The following MARCHF1 variants were observed in gnomAD, a reference collection of about 807,000 sequenced individuals.
MARCHF1 encodes the protein E3 ubiquitin-protein ligase MARCHF1.
MARCHF1 carries 40 observed loss-of-function variants against 54.2 expected under a neutral mutation model. That is an observed-to-expected ratio of 0.74 (90% CI 0.57 to 0.96). The LOEUF is 0.96. MARCHF1 is among the 40% of genes least tolerant of loss of function. The probability of loss-of-function intolerance (pLI) is 0.00; values close to 1 mark genes in which losing one functional copy is unlikely to be tolerated. For missense variants in MARCHF1, 586 were observed against 656.5 expected, an observed-to-expected ratio of 0.89 and a Z score of 1.17; for synonymous variants, 236 against 236.3, an observed-to-expected ratio of 1.00 and a Z score of 0.01.
intron 2 of MARCHF1, among the ~76,000 whole-genome samples, chr4:164,011,144 C>G (rs1753411443): frequency 6.6e-6 from 1 of 152,052 alleles, no homozygotes; most frequent in South Asian, 2.1e-4. Flanking sequence ...AAATCTAAAA[C>G]CTGAAACTAT....
chr4:164,276,196 C>A (rs1222407202), intron 1 of MARCHF1, among the ~76,000 whole-genome samples: 1 of 152,052 alleles, frequency 6.6e-6, no homozygotes, highest in Non-Finnish European at 1.5e-5. Context: ...AATTACTAAA[C>A]CCAAAATAAT....
At chr4:164,150,034 G>A (rs1176712040) in intron 1 of MARCHF1, among the ~76,000 whole-genome samples, 1 of 151,948 alleles carries the variant, frequency 6.6e-6, no homozygotes, top group Non-Finnish European at 1.5e-5. Context: ...CTATATTATT[G>A]TCTCATAAAA....
In MARCHF1 at chr4:163,907,113, C is replaced by T. The variant is rs568953979; in HGVS notation, c.-38-52944G>A. On this transcript the variant is annotated intron_variant, in intron 3 of 9. Transcript: ENST00000514618. ...TACAGAAGTCCTTTTTCCATACTTTCCTTGTATTCAGAAGCTCAGAAGTAA... is the reference window on the plus strand; with the variant it reads ...TACAGAAGTCCTTTTTCCATACTTTTCTTGTATTCAGAAGCTCAGAAGTAA... 5.9e-5 allele frequency among the ~76,000 whole-genome samples: 9 copies of T among 152,052 alleles called. No individual in the cohort carries two copies. The East Asian group carries it at 1.7e-3, about 29-fold the overall frequency.
intron 1 of MARCHF1, among the ~76,000 whole-genome samples, chr4:164,283,172 G>A (rs981866539): frequency 2.6e-5 from 4 of 151,082 alleles, no homozygotes; most frequent in Non-Finnish European, 5.9e-5. Context: ...ACAAGCTTCT[G>A]AAGTTAGAGA....
chr4:163,784,385 C>T (rs1238685343), intron 4 of MARCHF1, among the ~76,000 whole-genome samples: 1 of 152,086 alleles, frequency 6.6e-6, no homozygotes, highest in African/African-American at 2.4e-5. Flanking sequence ...GGAACACATT[C>T]CTATAAATGG....
At chr4:164,250,272 A>G (rs577284665) in intron 1 of MARCHF1, among the ~76,000 whole-genome samples, 5 of 152,218 alleles carry the variant, frequency 3.3e-5, no homozygotes, top group Non-Finnish European at 7.4e-5. Flanking sequence ...GGCAGGAGAG[A>G]TGGTCAAAGA....
chr4:163,704,066 C>A (rs578203679), intron 4 of MARCHF1, among the ~76,000 whole-genome samples: 4 of 150,552 alleles, frequency 2.7e-5, no homozygotes, highest in African/African-American at 9.8e-5. Context: ...TATACTATGT[C>A]ATTGACTGAG....
chr4:163,719,097 C>T (rs573227839), intron 4 of MARCHF1, among the ~76,000 whole-genome samples: 5 of 152,132 alleles, frequency 3.3e-5, no homozygotes, highest in East Asian at 3.9e-4. Flanking sequence ...TTGTTACATA[C>T]GTATACATGG....
intron 1 of MARCHF1, among the ~76,000 whole-genome samples, chr4:164,202,265 G>T (rs114213453): frequency 6.6e-6 from 1 of 152,182 alleles, no homozygotes; most frequent in Non-Finnish European, 1.5e-5. Context: ...TAAGGAGATG[G>T]TGGAGGGAGA....
intron 3 of MARCHF1, among the ~76,000 whole-genome samples, chr4:163,940,058 A>G (rs969634778): frequency 2.6e-5 from 4 of 152,136 alleles, no homozygotes; most frequent in Admixed American, 6.6e-5. Context: ...AAGAAGAAAC[A>G]GGAAATAATT....
In MARCHF1 at chr4:163,997,925, TACACACACAC is replaced by T. The variant is rs5863648; in HGVS notation, c.-247-9226_-247-9217del. Among the ~76,000 whole-genome samples the T allele has an allele frequency of 5.4e-5, 8 of 148,316 alleles. No homozygotes were observed. The East Asian group carries it at 7.9e-4, about 15-fold the overall frequency. ...TATAATTTAAAGTAATTGCCTTAAATACACACACACACACACACACACACACACACACGTA... is the reference window on the plus strand; with the variant it reads ...TATAATTTAAAGTAATTGCCTTAAATACACACACACACACACACACACGTA... On this transcript the variant is annotated intron_variant, in intron 2 of 9. Transcript: ENST00000514618.
chr4:163,938,594 T>C (rs1293808861), intron 3 of MARCHF1, among the ~76,000 whole-genome samples: 1 of 152,120 alleles, frequency 6.6e-6, no homozygotes, highest in Non-Finnish European at 1.5e-5. Flanking sequence ...AAAAGAAAGA[T>C]CCACTTATTC....
At chr4:164,156,622 A>G (rs1021048841) in intron 1 of MARCHF1, among the ~76,000 whole-genome samples, 4 of 152,126 alleles carry the variant, frequency 2.6e-5, no homozygotes, top group Non-Finnish European at 5.9e-5. Flanking sequence ...GAGTTTCACC[A>G]TGTTGCCCAG....
At chr4:164,311,052 T>C (rs1734837617) in intron 1 of MARCHF1, among the ~76,000 whole-genome samples, 1 of 152,162 alleles carries the variant, frequency 6.6e-6, no homozygotes, top group Non-Finnish European at 1.5e-5. Context: ...GTGGAACCAT[T>C]CTAATAGCAC....
intron 3 of MARCHF1, among the ~76,000 whole-genome samples, chr4:163,903,649 C>T (rs971598841): frequency 3.3e-5 from 5 of 151,684 alleles, no homozygotes; most frequent in African/African-American, 9.7e-5. Context: ...TCACCCGTGT[C>T]GCCCAGACTG....
chr4:163,656,581 A>C lies in MARCHF1; in HGVS notation c.163-43188T>G, dbSNP rs140280681. ...GAGGCCAGAATCATCCTGATACCAA[A>C]ACCTGGCAGAGACACAACAACAACA... On this transcript the variant is annotated intron_variant, in intron 5 of 9. Transcript: ENST00000514618. Among the ~76,000 whole-genome samples, 1,320 of 152,184 alleles carry C rather than the reference A, an allele frequency of 8.7e-3. 17 individuals carry two copies. The highest frequency in any genetic ancestry group is 0.03 in the African/African-American group (1,235 of 41,546).
intron 1 of MARCHF1, among the ~76,000 whole-genome samples, chr4:164,184,254 C>A (rs544893772): frequency 2.0e-5 from 3 of 152,274 alleles, no homozygotes; most frequent in Admixed American, 6.5e-5. Flanking sequence ...TCTATCCCTT[C>A]ACTCACCCCA....
chr4:164,267,523 G>T (rs372589363), intron 1 of MARCHF1, among the ~76,000 whole-genome samples: 5 of 152,266 alleles, frequency 3.3e-5, no homozygotes, highest in East Asian at 1.9e-4. Context: ...GTGAAGAACT[G>T]AGGTCCTCAG....
chr4:164,172,924 T>C (rs1354950813), intron 1 of MARCHF1, among the ~76,000 whole-genome samples: 2 of 142,640 alleles, frequency 1.4e-5, no homozygotes, highest in African/African-American at 5.4e-5. Context: ...GAGCTTGCAG[T>C]GAGCCGAGAT....
Sources: gnomAD v4.1 joint callset for allele counts (sites outside exome capture counted in the v4.1 genomes callset) on GRCh38, gnomAD v4.1.1 for gene constraint, MANE v1.5 for transcripts, NCBI Gene and HGNC (gene_info 2026-07-23, HGNC 2026-07-21) for gene names.